The following DDX10 variants were observed in gnomAD, a reference collection of about 807,000 sequenced individuals.
DDX10 encodes the protein probable ATP-dependent RNA helicase DDX10.
In DDX10, 74 loss-of-function variants were observed where a neutral mutation model predicts 104.3. That is an observed-to-expected ratio of 0.71 (90% CI 0.59 to 0.86). The LOEUF is 0.86. Among genes scored for constraint, DDX10 ranks in the 40% least tolerant of loss-of-function variants. DDX10 has a pLI of 0.00. For synonymous variants in DDX10, 351 were observed against 353.4 expected (o/e 0.99, Z 0.08); for missense variants, 952 against 1,040.0 (o/e 0.92, Z 1.16).
At chr11:108,867,033 G>T (rs550385633) in intron 16 of DDX10, among the ~76,000 whole-genome samples, 1 of 152,160 alleles carries the variant, frequency 6.6e-6, no homozygotes, top group Admixed American at 6.5e-5. Flanking sequence ...ATGAGTGTTT[G>T]TGAAAGTTCT....
intron 16 of DDX10, among the ~76,000 whole-genome samples, chr11:108,912,982 A>G (rs115689991): frequency 6.6e-6 from 1 of 151,918 alleles, no homozygotes; most frequent in Non-Finnish European, 1.5e-5. Context: ...CTTTTTGGAC[A>G]GTTGTGAGGT....
At chr11:108,868,703 A>G (rs781366600) in intron 16 of DDX10, among the ~76,000 whole-genome samples, 7 of 152,096 alleles carry the variant, frequency 4.6e-5, no homozygotes, top group African/African-American at 9.7e-5. Flanking sequence ...TCCTATGCCA[A>G]TGTTCTCTGA....
chr11:108,730,814 G>A (rs1458350232), intron 13 of DDX10, among the ~76,000 whole-genome samples: 2 of 150,288 alleles, frequency 1.3e-5, no homozygotes, highest in Non-Finnish European at 2.9e-5. Flanking sequence ...TATACTATAA[G>A]AAGTTCTATC....
chr11:108,889,483 TATC>T lies in DDX10; in HGVS notation c.2305-28386_2305-28384del, dbSNP rs1334113568. Among the ~76,000 whole-genome samples the T allele has an allele frequency of 4.6e-5, 7 of 152,292 alleles. No individual in the cohort carries two copies. In the East Asian group the frequency reaches 1.3e-3, roughly 29 times the overall value. ...TAATTGAAAAGGTACAAAATAAAAT[TATC>T]ATCTGTGTTCCCACTAATATCAAAT... On this transcript the variant is annotated intron_variant, in intron 16 of 17. Coordinates refer to ENST00000322536, the MANE Select transcript of DDX10 (RefSeq NM_004398.4).
At chr11:108,910,774 TGTGTG>T (rs1863662727) in intron 16 of DDX10, among the ~76,000 whole-genome samples, 1 of 147,986 alleles carries the variant, frequency 6.8e-6, no homozygotes, top group Non-Finnish European at 1.5e-5. Context: ...TGTGTGTGTG[TGTGTG>T]TGTGTGTGTG....
intron 16 of DDX10, among the ~76,000 whole-genome samples, chr11:108,888,030 A>G (rs573098146): frequency 6.6e-6 from 1 of 151,848 alleles, no homozygotes; most frequent in South Asian, 2.1e-4. Context: ...AATGGGTATT[A>G]CTTGTCTGAG....
chr11:108,665,170 A>G lies in DDX10; in HGVS notation c.17A>G (p.Asn6Ser). ...GCCGCCGCAATGGGCAAAACGGCCA[A>G]CTCTCCGGGTTCGGGAGCCCGACCC... MGKTA[N>S]SPGSGARPDP... Residue 6 changes from asparagine (N) to serine (S), a missense_variant, in exon 1 of 18, where the codon AAC (asparagine) becomes AGC (serine). Transcript: ENST00000322536. The G allele has an allele frequency of 2.5e-6, 4 of 1,609,638 alleles. No individual in the cohort carries two copies. The highest frequency in any genetic ancestry group is 2.2e-5 in the East Asian group (1 of 44,586).
At chr11:108,716,047 T>G (rs572683474) in intron 11 of DDX10, 81 bp downstream of exon 11, 17 of 787,586 alleles carry the variant, frequency 2.2e-5, no homozygotes, top group East Asian at 2.6e-5. Flanking sequence ...CTAGGTTGCA[T>G]GTTTATGCTT....
At chr11:108,834,927 C>G (rs1410747867) in intron 13 of DDX10, among the ~76,000 whole-genome samples, 1 of 62,252 alleles carries the variant, frequency 1.6e-5, no homozygotes, top group Non-Finnish European at 2.8e-5. Flanking sequence ...GACTCCATCT[C>G]AAAAAAAAAA....
intron 13 of DDX10, among the ~76,000 whole-genome samples, chr11:108,827,485 A>C (rs2134583469): frequency 6.6e-6 from 1 of 152,368 alleles, no homozygotes; most frequent in Non-Finnish European, 1.5e-5. Context: ...AAACTTATGC[A>C]TATGGTCAAG....
chr11:108,819,839 T>G (rs1862302818), intron 13 of DDX10, among the ~76,000 whole-genome samples: 1 of 152,136 alleles, frequency 6.6e-6, no homozygotes, highest in Non-Finnish European at 1.5e-5. Flanking sequence ...CCTCAGGTGA[T>G]CCACCCGCCT....
At chr11:108,689,110 T>C (rs911577323) in intron 7 of DDX10, 48 bp downstream of exon 7, 88 of 1,591,722 alleles carry the variant, frequency 5.5e-5, no homozygotes, top group Non-Finnish European at 7.1e-5. Flanking sequence ...AATGTCCCTT[T>C]TGAAATGGCA....
intron 13 of DDX10, among the ~76,000 whole-genome samples, chr11:108,835,701 G>A (rs74621001): frequency 0.015 from 2,358 of 152,284 alleles, 57 homozygotes; most frequent in African/African-American, 0.053. Context: ...GTGCCTATCA[G>A]TTAGCCCTTA....
intron 16 of DDX10, among the ~76,000 whole-genome samples, chr11:108,901,033 T>TGCC (rs1195859548): frequency 6.6e-6 from 1 of 152,162 alleles, no homozygotes; most frequent in Non-Finnish European, 1.5e-5. Flanking sequence ...TCTTAATATC[T>TGCC]GCCACCACCA....
chr11:108,854,928 A>G (rs1480389923), intron 16 of DDX10, among the ~76,000 whole-genome samples: 1 of 151,770 alleles, frequency 6.6e-6, no homozygotes, highest in Admixed American at 6.6e-5. Context: ...ACCTCTCAGG[A>G]ATCTGATATG....
intron 13 of DDX10, among the ~76,000 whole-genome samples, chr11:108,747,285 C>A (rs963871501): frequency 7.2e-5 from 11 of 152,066 alleles, no homozygotes; most frequent in African/African-American, 2.7e-4. Context: ...TTAAGGATAG[C>A]AGATAGGTGT....
chr11:108,774,022 C>G (rs2094366679), intron 13 of DDX10, among the ~76,000 whole-genome samples: 1 of 152,176 alleles, frequency 6.6e-6, no homozygotes, highest in African/African-American at 2.4e-5. Flanking sequence ...CACTTGGTGA[C>G]TAGAGCAAAG....
intron 16 of DDX10, among the ~76,000 whole-genome samples, chr11:108,899,534 G>A (rs1156400680): frequency 1.3e-5 from 2 of 150,406 alleles, no homozygotes; most frequent in East Asian, 3.9e-4. Flanking sequence ...AATAGAAAAA[G>A]ATAATAGAAT....
At chr11:108,694,794 T>C (rs2094257420) in intron 9 of DDX10, among the ~76,000 whole-genome samples, 1 of 152,028 alleles carries the variant, frequency 6.6e-6, no homozygotes, top group Non-Finnish European at 1.5e-5. Context: ...GGCAGGAGAA[T>C]CACGTGAACC....
Sources: allele counts gnomAD v4.1 joint callset (sites outside exome capture counted in the v4.1 genomes callset), GRCh38; gene constraint gnomAD v4.1.1; transcripts MANE v1.5; gene names NCBI Gene and HGNC (gene_info 2026-07-23, HGNC 2026-07-21).